VTI1A: variants seen among roughly 807,000 people sequenced by gnomAD.
The protein encoded by VTI1A is vesicle transport through interaction with t-SNAREs 1A, also known as vesicle transport through interaction with t-SNAREs homolog 1A.
In VTI1A, 22 loss-of-function variants were observed where a neutral mutation model predicts 34.9. The observed-to-expected ratio is 0.63, with a 90% CI of 0.45 to 0.90. VTI1A has a LOEUF of 0.90. Among genes scored for constraint, VTI1A ranks in the 40% least tolerant of loss-of-function variants. The pLI is 0.00. For synonymous variants in VTI1A, 87 were observed against 97.3 expected, an observed-to-expected ratio of 0.89 and a Z score of 0.62; for missense variants, 268 against 275.6, an observed-to-expected ratio of 0.97 and a Z score of 0.20.
intron 7 of VTI1A, among the ~76,000 whole-genome samples, chr10:112,687,324 C>T (rs1161084975): frequency 6.8e-6 from 1 of 147,832 alleles, no homozygotes; most frequent in East Asian, 2.0e-4. Context: ...AGCTCCACCT[C>T]CCGGGTTCAC....
At chr10:112,621,265 C>T (rs914848711) in intron 5 of VTI1A, among the ~76,000 whole-genome samples, 13 of 152,156 alleles carry the variant, frequency 8.5e-5, no homozygotes, top group African/African-American at 2.7e-4. Flanking sequence ...GCACTCCTGT[C>T]TTGTAGAGAT....
chr10:112,593,909 T>TA lies in VTI1A; in HGVS notation c.427+55579_427+55580insA, dbSNP rs879460781. Among the ~76,000 whole-genome samples the TA allele has an allele frequency of 1.7e-3, 163 of 97,490 alleles. 2 individuals carry two copies. Among genetic ancestry groups the TA allele is most frequent in the Non-Finnish European group, 1.4e-3 (60 of 42,600 alleles). The allele number at this position is 97,490 out of a possible 152,430, so 64.0% of individuals were successfully genotyped here. On this transcript the variant is annotated intron_variant, in intron 5 of 7. Transcript: ENST00000393077. ...CCGCCACCACGCCCGGCTAATTTTT[T>TA]TTTTATTATTATTATTTTGAGACGG...
At chr10:112,672,351 A>G (rs565245843) in intron 7 of VTI1A, among the ~76,000 whole-genome samples, 2 of 152,332 alleles carry the variant, frequency 1.3e-5, no homozygotes, top group African/African-American at 4.8e-5. Context: ...AAGAAAACAA[A>G]GGAGAAAATT....
At chr10:112,729,735 G>A (rs575951663) in intron 7 of VTI1A, among the ~76,000 whole-genome samples, 9 of 152,334 alleles carry the variant, frequency 5.9e-5, no homozygotes, top group Admixed American at 2.0e-4. Context: ...GGGATATGAA[G>A]CAATTGAAAT....
intron 7 of VTI1A, among the ~76,000 whole-genome samples, chr10:112,754,056 A>T (rs902983824): frequency 6.6e-6 from 1 of 152,222 alleles, no homozygotes; most frequent in African/African-American, 2.4e-5. Context: ...CGCGAGAGAA[A>T]ATAAAGCTGT....
intron 5 of VTI1A, among the ~76,000 whole-genome samples, chr10:112,554,717 A>G (rs1851484732): frequency 6.6e-6 from 1 of 152,072 alleles, no homozygotes; most frequent in Admixed American, 6.5e-5. Context: ...CCTCATGTCT[A>G]TTTAAAAGCA....
At chr10:112,724,770 C>T (rs1849945724) in intron 7 of VTI1A, among the ~76,000 whole-genome samples, 1 of 147,386 alleles carries the variant, frequency 6.8e-6, no homozygotes, top group Non-Finnish European at 1.5e-5. Flanking sequence ...TTCCTTCCCC[C>T]ATCCCCCCTT....
chr10:112,597,864 A>AT (rs887178471), intron 5 of VTI1A, among the ~76,000 whole-genome samples: 8 of 150,968 alleles, frequency 5.3e-5, no homozygotes, highest in African/African-American at 1.7e-4. Flanking sequence ...CGCCCGGCTA[A>AT]TTTTTTGTAT....
intron 5 of VTI1A, among the ~76,000 whole-genome samples, chr10:112,549,232 G>A (rs1851253465): frequency 6.6e-6 from 1 of 151,852 alleles, no homozygotes; most frequent in Non-Finnish European, 1.5e-5. Flanking sequence ...TCCTATTGGT[G>A]AAAGTGGTAT....
chr10:112,447,704 C>T (rs952490108), intron 1 of VTI1A, among the ~76,000 whole-genome samples: 3 of 152,126 alleles, frequency 2.0e-5, no homozygotes, highest in Non-Finnish European at 4.4e-5. Context: ...CCGGCTCTAC[C>T]TTCTTGTAAC....
intron 7 of VTI1A, among the ~76,000 whole-genome samples, chr10:112,718,992 G>C (rs1471083302): frequency 1.3e-5 from 2 of 152,196 alleles, no homozygotes; most frequent in East Asian, 3.9e-4. Context: ...GAGCAAACTA[G>C]AGGTCAGTGT....
At chr10:112,747,300 C>T (rs1850930817) in intron 7 of VTI1A, among the ~76,000 whole-genome samples, 1 of 152,160 alleles carries the variant, frequency 6.6e-6, no homozygotes, top group Admixed American at 6.5e-5. Context: ...TGCTTGATGA[C>T]GGGGATACGT....
intron 5 of VTI1A, among the ~76,000 whole-genome samples, chr10:112,615,256 G>A (rs1235927110): frequency 6.6e-6 from 1 of 152,160 alleles, no homozygotes; most frequent in African/African-American, 2.4e-5. Flanking sequence ...AGTTTAGCAA[G>A]GGCAAGGTTT....
chr10:112,525,343 G>A (rs1438101133), intron 3 of VTI1A, among the ~76,000 whole-genome samples: 2 of 152,174 alleles, frequency 1.3e-5, no homozygotes, highest in African/African-American at 2.4e-5. Flanking sequence ...TGGAGACTCA[G>A]GGCGGGGAGT....
chr10:112,453,434 AC>A (rs1404430715), intron 1 of VTI1A, among the ~76,000 whole-genome samples: 2 of 150,816 alleles, frequency 1.3e-5, no homozygotes, highest in African/African-American at 2.5e-5. Context: ...CCAAGTAATT[AC>A]GTGAATTATT....
intron 1 of VTI1A, among the ~76,000 whole-genome samples, chr10:112,457,876 T>C (rs550080188): frequency 6.6e-6 from 1 of 152,202 alleles, no homozygotes; most frequent in East Asian, 1.9e-4. Context: ...AGGAGAAAGT[T>C]ACAGGACGGG....
At chr10:112,541,864 T>C (rs1564819529) in intron 5 of VTI1A, among the ~76,000 whole-genome samples, 1 of 152,194 alleles carries the variant, frequency 6.6e-6, no homozygotes, top group Non-Finnish European at 1.5e-5. Flanking sequence ...TCCTTTCTTA[T>C]TTGAGAATAT....
At chr10:112,728,289 A>C (rs1400186984) in intron 7 of VTI1A, among the ~76,000 whole-genome samples, 1 of 152,090 alleles carries the variant, frequency 6.6e-6, no homozygotes, top group East Asian at 1.9e-4. Context: ...TCAGTAGTAG[A>C]GGGTGTCTGG....
chr10:112,567,787 A>G (rs2134352214), intron 5 of VTI1A, among the ~76,000 whole-genome samples: 1 of 152,302 alleles, frequency 6.6e-6, no homozygotes, highest in Middle Eastern at 3.4e-3. Flanking sequence ...CCACTGATTT[A>G]TATCACAGTT....
Sources: allele counts gnomAD v4.1 joint callset (sites outside exome capture counted in the v4.1 genomes callset), GRCh38; gene constraint gnomAD v4.1.1; transcripts MANE v1.5; gene names NCBI Gene and HGNC (gene_info 2026-07-23, HGNC 2026-07-21).